Variants in FRYL observed in about 807,000 individuals in gnomAD.
The protein encoded by FRYL is FRY like transcription coactivator.
In FRYL, 150 loss-of-function variants were observed where a neutral mutation model predicts 351.2. The observed-to-expected ratio is 0.43, with a 90% CI of 0.37 to 0.49. FRYL has a LOEUF of 0.49. Among genes scored for constraint, FRYL ranks in the 20% least tolerant of loss-of-function variants. The pLI, the probability that FRYL is intolerant of heterozygous loss-of-function variation, is 0.00. For synonymous variants in FRYL, 1,153 were observed against 1,257.1 expected (o/e 0.92, Z 1.75); for missense variants, 3,036 against 3,619.3 (o/e 0.84, Z 4.13).
intron 44 of FRYL, among the ~76,000 whole-genome samples, chr4:48,542,888 T>TA (rs1578030013): frequency 6.6e-6 from 1 of 151,874 alleles, no homozygotes; most frequent in East Asian, 1.9e-4. Context: ...ATGAGTTTTT[T>TA]AAAAAAGAAA....
intron 22 of FRYL, among the ~76,000 whole-genome samples, chr4:48,580,192 G>C (rs982078167): frequency 3.3e-5 from 5 of 151,842 alleles, no homozygotes; most frequent in Non-Finnish European, 5.9e-5. Context: ...TTAATGTTAT[G>C]CATTAACCTC....
chr4:48,499,972 A>G (rs1719191569), intron 63 of FRYL, 58 bp downstream of exon 63: 1 of 1,178,040 alleles, frequency 8.5e-7, no homozygotes, highest in African/African-American at 1.6e-5. Flanking sequence ...AAAACCTAGT[A>G]TTACTAAACT....
chr4:48,688,449 CA>C (rs1452289103), intron 2 of FRYL, among the ~76,000 whole-genome samples: 1 of 151,938 alleles, frequency 6.6e-6, no homozygotes, highest in African/African-American at 2.4e-5. Context: ...AGCAATTAGT[CA>C]AATATTGTTT....
rs953112651 is a variant in FRYL at position 48,709,614 on chromosome 4, C to T, written c.-204+905G>A. Among the ~76,000 whole-genome samples, 4 of 152,236 alleles carry T rather than the reference C, an allele frequency of 2.6e-5. 1 individual carries two copies. The highest frequency in any genetic ancestry group is 1.3e-4 in the Admixed American group (2 of 15,292). ...GCCTCAAAAAAAACCAAAAATCTAT[C>T]AATTTGTTCATTATAGTTCATAAAG... On this transcript the variant is annotated intron_variant, in intron 2 of 63. Transcript: ENST00000358350.
chr4:48,612,405 C>G (rs2149288731), intron 7 of FRYL, among the ~76,000 whole-genome samples: 1 of 152,182 alleles, frequency 6.6e-6, no homozygotes, highest in South Asian at 2.1e-4. Flanking sequence ...TTTTTCCTCC[C>G]CTATACAGTA....
intron 1 of FRYL, among the ~76,000 whole-genome samples, chr4:48,746,147 G>A (rs1772653752): frequency 6.6e-6 from 1 of 152,212 alleles, no homozygotes; most frequent in Non-Finnish European, 1.5e-5. Flanking sequence ...ACATACATTT[G>A]CATTTCCCAC....
chr4:48,568,669 C>A (rs963937032), intron 27 of FRYL, among the ~76,000 whole-genome samples: 1 of 152,014 alleles, frequency 6.6e-6, no homozygotes, highest in African/African-American at 2.4e-5. Context: ...AGTATATTAA[C>A]TAGATCAGTC....
At chr4:48,760,833 T>C (rs1283862791) in intron 1 of FRYL, among the ~76,000 whole-genome samples, 11 of 152,070 alleles carry the variant, frequency 7.2e-5, no homozygotes, top group Admixed American at 7.2e-4. Context: ...TGCACAACCA[T>C]GGCAGGCTAA....
chr4:48,750,164 G>T (rs373984466), intron 1 of FRYL, among the ~76,000 whole-genome samples: 4 of 137,898 alleles, frequency 2.9e-5, no homozygotes, highest in Non-Finnish European at 6.4e-5. Flanking sequence ...GAAAGAAAAA[G>T]AAAAAAAAGG....
intron 4 of FRYL, among the ~76,000 whole-genome samples, chr4:48,630,138 T>A (rs1752666298): frequency 6.6e-6 from 1 of 152,168 alleles, no homozygotes; most frequent in African/African-American, 2.4e-5. Context: ...CTTTGGGGAC[T>A]CTGACAAGTC....
intron 49 of FRYL, among the ~76,000 whole-genome samples, chr4:48,533,996 G>A (rs1409122555): frequency 1.3e-5 from 2 of 152,198 alleles, no homozygotes; most frequent in Non-Finnish European, 2.9e-5. Context: ...GGAGGCTGAG[G>A]TGGGCAGATT....
chr4:48,764,988 GCGCACACCAC>G (rs1454727361), intron 1 of FRYL, among the ~76,000 whole-genome samples: 13 of 152,104 alleles, frequency 8.5e-5, no homozygotes, highest in Admixed American at 8.5e-4. Flanking sequence ...GGGATTACAG[GCGCACACCAC>G]CATGCCCAGC....
At chr4:48,610,076 A>G (rs1747742158) in intron 7 of FRYL, among the ~76,000 whole-genome samples, 1 of 152,190 alleles carries the variant, frequency 6.6e-6, no homozygotes, top group Non-Finnish European at 1.5e-5. Context: ...TGCAGTGGGA[A>G]AAGCAATAGT....
At chr4:48,763,477 G>GA (rs1439635336) in intron 1 of FRYL, among the ~76,000 whole-genome samples, 1 of 151,492 alleles carries the variant, frequency 6.6e-6, no homozygotes, top group Admixed American at 6.6e-5. Context: ...AAAAAACTTG[G>GA]AAAAAAAAGT....
intron 1 of FRYL, among the ~76,000 whole-genome samples, chr4:48,731,439 A>G (rs1770712901): frequency 6.6e-6 from 1 of 152,186 alleles, no homozygotes. Context: ...AACTACTTTA[A>G]ACTTCATATG....
chr4:48,515,307 A>G (rs754419959), intron 55 of FRYL, 32 bp from the exon 56 acceptor site: 7 of 1,486,072 alleles, frequency 4.7e-6, no homozygotes, highest in Non-Finnish European at 6.4e-6. Context: ...AGTGAACTAT[A>G]AACACATAAA....
At chr4:48,692,182 C>G (rs1056214489) in intron 2 of FRYL, among the ~76,000 whole-genome samples, 1 of 152,196 alleles carries the variant, frequency 6.6e-6, no homozygotes, top group Non-Finnish European at 1.5e-5. Context: ...TTCAACCTCA[C>G]TGTTGCATTA....
chr4:48,563,995 C>G lies in FRYL; in HGVS notation c.3549G>C (p.Arg1183Ser), dbSNP rs773229703. The G allele has an allele frequency of 2.5e-6, 4 of 1,614,134 alleles. No homozygotes were observed. In the Middle Eastern group the frequency reaches 5.0e-4, roughly 200 times the overall value. ...TGGCTTTAAAGCAGCCGGCCGCCACCCTCCCGGAGCCCGTGTAGCAGCGGT... is the reference window on the plus strand; with the variant it reads ...TGGCTTTAAAGCAGCCGGCCGCCACGCTCCCGGAGCCCGTGTAGCAGCGGT... ...AVDRCYTGSG[R>S]VAAGCFKAIA... The change falls in exon 31 of 64, where the codon AGG becomes AGC. Residue 1183 changes from arginine (R) to serine (S), a missense_variant. This residue lies in a region of FRYL where 1,987 missense variants were observed against 2,311.7 expected (regional missense o/e 0.86). Transcript: ENST00000358350.
intron 23 of FRYL, among the ~76,000 whole-genome samples, chr4:48,578,669 T>C (rs1740217459): frequency 1.3e-5 from 2 of 152,156 alleles, no homozygotes; most frequent in South Asian, 4.1e-4. Flanking sequence ...TCCATACTCA[T>C]CCTTAGATTC....
Sources: gnomAD v4.1 joint callset for allele counts (sites outside exome capture counted in the v4.1 genomes callset) on GRCh38, gnomAD v4.1.1 for gene constraint, gnomAD v4.1.1 regional missense constraint, MANE v1.5 for transcripts, NCBI Gene and HGNC (gene_info 2026-07-23, HGNC 2026-07-21) for gene names.